The following TMEM108 variants were observed in gnomAD, a reference collection of about 807,000 sequenced individuals.
TMEM108 encodes transmembrane protein 108, also known as cancer/testis antigen 124.
TMEM108 carries 12 observed loss-of-function variants against 35.1 expected under a neutral mutation model. That is an observed-to-expected ratio of 0.34 (90% CI 0.22 to 0.55). The LOEUF (loss-of-function observed/expected upper bound fraction) is 0.55. Among genes scored for constraint, TMEM108 ranks in the 20% least tolerant of loss-of-function variants. The pLI, the probability that TMEM108 is intolerant of heterozygous loss-of-function variation, is 0.89. For missense variants in TMEM108, 680 were observed against 753.3 expected (o/e 0.90, Z 1.14); for synonymous variants, 287 against 308.6 (o/e 0.93, Z 0.73).
intron 3 of TMEM108, among the ~76,000 whole-genome samples, chr3:133,280,155 C>T (rs113317255): frequency 2.0e-5 from 3 of 152,032 alleles, no homozygotes; most frequent in South Asian, 4.1e-4. Context: ...GCAGGGCAGA[C>T]GAGATGCTGC....
chr3:133,193,960 A>G lies in TMEM108; in HGVS notation c.-46-35306A>G, dbSNP rs188380612. Among the ~76,000 whole-genome samples, 16 of 146,732 alleles carry G rather than the reference A, an allele frequency of 1.1e-4. No individual in the cohort carries two copies. The East Asian group carries it at 2.6e-3, about 24-fold the overall frequency. On this transcript the variant is annotated intron_variant, in intron 2 of 5. Coordinates refer to ENST00000321871, the MANE Select transcript of TMEM108 (RefSeq NM_023943.4). ...ATTCTTTTTTTTTTTTTTTTGAGACAGAGCCTCACTCTGTCACTCAGGCTG... is the reference window on the plus strand; with the variant it reads ...ATTCTTTTTTTTTTTTTTTTGAGACGGAGCCTCACTCTGTCACTCAGGCTG...
intron 3 of TMEM108, among the ~76,000 whole-genome samples, chr3:133,316,889 G>A (rs2071206225): frequency 6.6e-6 from 1 of 152,188 alleles, no homozygotes; most frequent in African/African-American, 2.4e-5. Flanking sequence ...AGACAGAGCA[G>A]GAAAATCTGA....
intron 3 of TMEM108, among the ~76,000 whole-genome samples, chr3:133,301,805 G>T (rs1947229155): frequency 6.6e-6 from 1 of 152,112 alleles, no homozygotes; most frequent in Non-Finnish European, 1.5e-5. Flanking sequence ...AACACTCAAT[G>T]TTGGGTAGAA....
At chr3:133,249,605 GT>G (rs2107667022) in intron 3 of TMEM108, among the ~76,000 whole-genome samples, 1 of 152,272 alleles carries the variant, frequency 6.6e-6, no homozygotes, top group South Asian at 2.1e-4. Context: ...ATAATAGCCT[GT>G]AGCTCCATCC....
At chr3:133,212,800 A>T (rs1945851023) in intron 2 of TMEM108, among the ~76,000 whole-genome samples, 1 of 142,278 alleles carries the variant, frequency 7.0e-6, no homozygotes, top group Admixed American at 7.5e-5. Context: ...CGGGCGGCGG[A>T]GGTTGCAGTA....
intron 2 of TMEM108, among the ~76,000 whole-genome samples, chr3:133,200,500 C>A (rs985955195): frequency 2.0e-5 from 3 of 152,182 alleles, no homozygotes; most frequent in Admixed American, 2.0e-4. Context: ...GGGTTAAACA[C>A]CACTTTGTCC....
chr3:133,229,285 G>A lies in TMEM108; in HGVS notation c.-27G>A. The A allele has an allele frequency of 6.2e-7, 1 of 1,606,454 alleles. No individual in the cohort carries two copies. On this transcript the variant is annotated 5_prime_UTR_variant, in exon 3 of 6. Coordinates refer to ENST00000321871, the MANE Select transcript of TMEM108 (RefSeq NM_023943.4). ...TCCTAGACAGAATCATGAATAAACT[G>A]GAGGATAAGCAGGACCAGATGATAC...
chr3:133,370,145 CTTTT>C (rs3054623), intron 3 of TMEM108, among the ~76,000 whole-genome samples: 15 of 126,812 alleles, frequency 1.2e-4, no homozygotes, highest in Non-Finnish European at 1.8e-4. Flanking sequence ...TTCAGACTCC[CTTTT>C]TTTTTTTTTT....
chr3:133,382,962 GT>G (rs1488126133), intron 4 of TMEM108, among the ~76,000 whole-genome samples: 1 of 152,178 alleles, frequency 6.6e-6, no homozygotes, highest in African/African-American at 2.4e-5. Context: ...GTGTTTGCAA[GT>G]TGCATATTTC....
At chr3:133,157,831 GGTGT>G (rs1576350761) in intron 2 of TMEM108, among the ~76,000 whole-genome samples, 1 of 152,090 alleles carries the variant, frequency 6.6e-6, no homozygotes. Context: ...GCTCTCTCAG[GGTGT>G]GTGTAAGCCA....
At chr3:133,311,268 G>T (rs2071125360) in intron 3 of TMEM108, among the ~76,000 whole-genome samples, 1 of 152,130 alleles carries the variant, frequency 6.6e-6, no homozygotes, top group African/African-American at 2.4e-5. Flanking sequence ...GCCTTGCTAG[G>T]TTGGGGAAGT....
intron 3 of TMEM108, among the ~76,000 whole-genome samples, chr3:133,240,688 A>G (rs964042005): frequency 6.6e-6 from 1 of 152,222 alleles, no homozygotes; most frequent in Non-Finnish European, 1.5e-5. Context: ...CTTACTAGCT[A>G]TATGACTGCA....
chr3:133,250,799 A>G (rs1946457897), intron 3 of TMEM108, among the ~76,000 whole-genome samples: 1 of 152,210 alleles, frequency 6.6e-6, no homozygotes, highest in African/African-American at 2.4e-5. Flanking sequence ...AATTTACAAC[A>G]TAACTATTAT....
At chr3:133,192,022 A>G (rs528863156) in intron 2 of TMEM108, among the ~76,000 whole-genome samples, 1 of 147,138 alleles carries the variant, frequency 6.8e-6, no homozygotes, top group South Asian at 2.1e-4. Flanking sequence ...CTCTGCCCCT[A>G]TCCCACTCTG....
intron 2 of TMEM108, among the ~76,000 whole-genome samples, chr3:133,134,216 C>T (rs1375211520): frequency 6.6e-6 from 1 of 151,882 alleles, no homozygotes; most frequent in East Asian, 1.9e-4. Context: ...GTATATCAGT[C>T]CTTTGCAATT....
At chr3:133,206,347 G>A (rs954580735) in intron 2 of TMEM108, among the ~76,000 whole-genome samples, 2 of 152,306 alleles carry the variant, frequency 1.3e-5, no homozygotes, top group Non-Finnish European at 2.9e-5. Flanking sequence ...CCTTGCTGGC[G>A]AGGAGTTGTG....
At chr3:133,133,377 A>C (rs1048581515) in intron 2 of TMEM108, among the ~76,000 whole-genome samples, 1 of 152,168 alleles carries the variant, frequency 6.6e-6, no homozygotes, top group Admixed American at 6.5e-5. Context: ...TTTAGCAATA[A>C]ATTATTTTTA....
chr3:133,379,322 A>G lies in TMEM108; in HGVS notation c.41-430A>G, dbSNP rs1277729066. Among the ~76,000 whole-genome samples the G allele has an allele frequency of 2.6e-5, 4 of 152,302 alleles. No individual in the cohort carries two copies. In the East Asian group the frequency reaches 7.7e-4, roughly 29 times the overall value. ...CCTCATTTGGCTTGGGGTGGCTCAC[A>G]CAGAGTTCACACAGGCTTCCCCACA... On this transcript the variant is annotated intron_variant, in intron 3 of 5. Coordinates refer to ENST00000321871, the MANE Select transcript of TMEM108 (RefSeq NM_023943.4).
chr3:133,270,766 T>G (rs1946758990), intron 3 of TMEM108, among the ~76,000 whole-genome samples: 1 of 151,486 alleles, frequency 6.6e-6, no homozygotes, highest in Non-Finnish European at 1.5e-5. Flanking sequence ...TCCCTGTTTT[T>G]TTTATAAGAC....
Sources: allele counts gnomAD v4.1 joint callset (sites outside exome capture counted in the v4.1 genomes callset), GRCh38; gene constraint gnomAD v4.1.1; transcripts MANE v1.5; gene names NCBI Gene and HGNC (gene_info 2026-07-23, HGNC 2026-07-21).